TINAG: variants seen among roughly 807,000 people sequenced by gnomAD.
TINAG encodes tubulointerstitial nephritis antigen.
A neutral mutation model predicts 72.7 loss-of-function variants in TINAG; 83 were observed. The observed-to-expected ratio is 1.14, with a 90% CI of 0.96 to 1.37. The LOEUF (loss-of-function observed/expected upper bound fraction) is 1.37, where lower values mean the gene tolerates loss of function less well. TINAG is among the 40% of genes most tolerant of loss of function. The pLI, the probability that TINAG is intolerant of heterozygous loss-of-function variation, is 0.00. For synonymous variants in TINAG, 234 were observed against 189.9 expected (o/e 1.23, Z -1.91); for missense variants, 685 against 576.6 (o/e 1.19, Z -1.93).
intron 10 of TINAG, among the ~76,000 whole-genome samples, chr6:54,384,550 T>C (rs560225798): frequency 1.2e-4 from 18 of 152,290 alleles, no homozygotes; most frequent in Admixed American, 1.0e-3. Context: ...AGTAGAAGAC[T>C]GCAAAATGAC....
chr6:54,332,786 C>T (rs1784771677), intron 4 of TINAG, among the ~76,000 whole-genome samples: 1 of 152,068 alleles, frequency 6.6e-6, no homozygotes, highest in South Asian at 2.1e-4. Flanking sequence ...AACAAACAAC[C>T]CCATCAAAAA....
At chr6:54,322,833 A>G (rs1784523575) in intron 3 of TINAG, among the ~76,000 whole-genome samples, 1 of 152,204 alleles carries the variant, frequency 6.6e-6, no homozygotes, top group African/African-American at 2.4e-5. Flanking sequence ...TCTGTGGCAA[A>G]TCATATTTAA....
At chr6:54,373,035 G>A (rs10080851) in intron 9 of TINAG, among the ~76,000 whole-genome samples, 13,113 of 151,922 alleles carry the variant, frequency 0.086, 1,003 homozygotes, top group East Asian at 0.29. Context: ...GATTTATTTT[G>A]ATCCTTAAGA....
At chr6:54,339,177 T>G (rs1365575751) in intron 4 of TINAG, among the ~76,000 whole-genome samples, 2 of 152,198 alleles carry the variant, frequency 1.3e-5, no homozygotes, top group African/African-American at 4.8e-5. Flanking sequence ...TAGTTATGAT[T>G]AGGCTCAGCT....
At chr6:54,340,932 A>G (rs1784982601) in intron 4 of TINAG, among the ~76,000 whole-genome samples, 1 of 152,100 alleles carries the variant, frequency 6.6e-6, no homozygotes, top group Non-Finnish European at 1.5e-5. Context: ...TACGTATTTC[A>G]TTATTATTAT....
At chr6:54,358,940 A>G (rs1763145316) in intron 9 of TINAG, among the ~76,000 whole-genome samples, 1 of 151,804 alleles carries the variant, frequency 6.6e-6, no homozygotes. Flanking sequence ...AGACTGCATT[A>G]TGTACTTCTA....
intron 3 of TINAG, among the ~76,000 whole-genome samples, chr6:54,326,089 A>G (rs1233121266): frequency 6.6e-6 from 1 of 152,098 alleles, no homozygotes; most frequent in African/African-American, 2.4e-5. Flanking sequence ...TTTATCCACT[A>G]TCATCTAGTA....
intron 10 of TINAG, among the ~76,000 whole-genome samples, chr6:54,382,393 C>T (rs1339520966): frequency 6.6e-6 from 1 of 151,988 alleles, no homozygotes; most frequent in Non-Finnish European, 1.5e-5. Flanking sequence ...AGAATATAAA[C>T]AATACTCATT....
At chr6:54,386,980 G>A (rs1764116491) in intron 10 of TINAG, among the ~76,000 whole-genome samples, 1 of 152,214 alleles carries the variant, frequency 6.6e-6, no homozygotes, top group Non-Finnish European at 1.5e-5. Context: ...CACAGAATGA[G>A]AAAAATGTAT....
chr6:54,374,857 A>G (rs1030319553), intron 9 of TINAG, among the ~76,000 whole-genome samples: 2 of 152,110 alleles, frequency 1.3e-5, no homozygotes, highest in Non-Finnish European at 2.9e-5. Flanking sequence ...CTGTTCAAGT[A>G]GGGTGTCCTG....
At chr6:54,385,822 T>C (rs1287710372) in intron 10 of TINAG, among the ~76,000 whole-genome samples, 1 of 141,974 alleles carries the variant, frequency 7.0e-6, no homozygotes, top group Non-Finnish European at 1.5e-5. Flanking sequence ...TTTCAAGTAC[T>C]AAAATCAATC....
intron 7 of TINAG, among the ~76,000 whole-genome samples, chr6:54,350,416 A>T (rs1253667266): frequency 1.3e-5 from 2 of 151,866 alleles, no homozygotes; most frequent in Non-Finnish European, 2.9e-5. Context: ...GTGTCTTCTA[A>T]TTATCTCCAG....
chr6:54,351,286 C>T (rs1326065058), intron 7 of TINAG, 66 bp from the exon 8 acceptor site: 3 of 1,395,652 alleles, frequency 2.1e-6, no homozygotes, highest in African/African-American at 2.9e-5. Context: ...TAACATTGTA[C>T]ACCAATCAAT....
At chr6:54,384,217 A>G (rs1764031196) in intron 10 of TINAG, among the ~76,000 whole-genome samples, 1 of 152,088 alleles carries the variant, frequency 6.6e-6, no homozygotes, top group Admixed American at 6.6e-5. Flanking sequence ...GTGGGGGGCT[A>G]GGAGAGGGAT....
At chr6:54,340,811 A>T (rs1385667360) in intron 4 of TINAG, among the ~76,000 whole-genome samples, 1 of 152,104 alleles carries the variant, frequency 6.6e-6, no homozygotes. Context: ...CGGATTCACC[A>T]TTTATATTTT....
At position 54,365,861 on chromosome 6, in the gene TINAG, T is replaced by A. The variant is rs9395946; in HGVS notation, c.1250+11225T>A. Among the ~76,000 whole-genome samples, 1,338 of 151,572 alleles carry A rather than the reference T, an allele frequency of 8.8e-3. 30 individuals are homozygous for A. Among genetic ancestry groups the A allele is most frequent in the East Asian group, 0.053 (271 of 5,134 alleles). ...AGTCTTCACTGAGAAATTTAGAGAA[T>A]CCCTGCTTTATAAGCTTGAACAGCC... On this transcript the variant is annotated intron_variant, in intron 9 of 10. Coordinates refer to ENST00000259782, the MANE Select transcript of TINAG (RefSeq NM_014464.4).
chr6:54,389,891 C>A lies in TINAG; in HGVS notation c.1397C>A (p.Ala466Asp). 6.2e-7 allele frequency: 1 copy of A among 1,611,456 alleles called. No homozygotes were observed. ...ESDIEKLIIA[A>D]WGQLTSSDEP ...GACATTGAAAAGTTGATTATCGCAG[C>A]TTGGGGCCAACTGACGAGTTCTGAT... Residue 466 changes from alanine to aspartate, a missense_variant, in exon 11 of 11, where the codon GCT (alanine) becomes GAT (aspartate). Physicochemically the swap from Ala to Asp is moderately radical, Grantham distance 126 (BLOSUM62 -2). Coordinates refer to ENST00000259782, the MANE Select transcript of TINAG (RefSeq NM_014464.4).
rs772445484 is a variant in TINAG at position 54,343,297 on chromosome 6, T to C, written c.696T>C (p.His232=). The C allele has an allele frequency of 1.9e-6, 3 of 1,576,128 alleles. No homozygotes were observed. Among genetic ancestry groups the C allele is most frequent in the Non-Finnish European group, 2.6e-6 (3 of 1,159,102 alleles). The change falls in exon 5 of 11, where the codon CAT becomes CAC. Residue 232 remains histidine (H), a synonymous_variant. Transcript: ENST00000259782. ...CTTATAAATGGCCTGGATGGACTCA[T>C]GGCCCATTGGATCAAAAAAATTGTG... ...VASYKWPGWT[H]GPLDQKNCAA... is the part of the protein sequence containing the mutation.
In TINAG at chr6:54,351,289, C is replaced by G. The variant is rs1035483047; in HGVS notation, c.1081-63C>G. The G allele has an allele frequency of 9.9e-6, 14 of 1,417,428 alleles. No homozygotes were observed. The African/African-American group carries it at 1.3e-4, about 13-fold the overall frequency. 87.8% of individuals were successfully genotyped at this position (1,417,428 alleles called of 1,614,324 possible). ...ATTGCAAACACTTAACATTGTACAC[C>G]AATCAATGGGTTTAGTATGCTCTGA... On this transcript the variant is annotated intron_variant, in intron 7 of 10. Transcript: ENST00000259782.
Sources: allele counts gnomAD v4.1 joint callset (sites outside exome capture counted in the v4.1 genomes callset), GRCh38; gene constraint gnomAD v4.1.1; transcripts MANE v1.5; gene names NCBI Gene and HGNC (gene_info 2026-07-23, HGNC 2026-07-21).